Variants in KIF1B observed in about 807,000 individuals in gnomAD.
The protein encoded by KIF1B is kinesin family member 1B, also known as kinesin-like protein KIF1B.
In KIF1B, 76 loss-of-function variants were observed where a neutral mutation model predicts 241.9. The ratio of observed to expected loss-of-function variants is 0.31; its 90% CI spans 0.26 to 0.38. The LOEUF is 0.38. Ranked by LOEUF, KIF1B falls within the 10% of genes least tolerant of loss-of-function variation. The probability of loss-of-function intolerance (pLI) is 1.00; values close to 1 mark genes in which losing one functional copy is unlikely to be tolerated. For missense variants in KIF1B, 1,622 were observed against 2,271.4 expected (o/e 0.71, Z 5.81); for synonymous variants, 750 against 796.7 (o/e 0.94, Z 0.99).
chr1:10,288,995 A>C (rs1304582242), intron 15 of KIF1B, among the ~76,000 whole-genome samples: 1 of 152,144 alleles, frequency 6.6e-6, no homozygotes, highest in Non-Finnish European at 1.5e-5. Context: ...TTCGTTAGTA[A>C]CCTGTTATCA....
intron 2 of KIF1B, among the ~76,000 whole-genome samples, chr1:10,234,355 C>T (rs911928232): frequency 6.6e-6 from 1 of 151,740 alleles, no homozygotes; most frequent in Non-Finnish European, 1.5e-5. Flanking sequence ...TTACAGGCAC[C>T]CACCACTATG....
chr1:10,273,561 T>G (rs1460038156), intron 10 of KIF1B, among the ~76,000 whole-genome samples: 1 of 152,016 alleles, frequency 6.6e-6, no homozygotes, highest in Non-Finnish European at 1.5e-5. Flanking sequence ...CTGTGCAATC[T>G]AAAATTGAAC....
intron 22 of KIF1B, chr1:10,305,937 A>C (rs1650807632): frequency 1.0e-5 from 11 of 1,054,884 alleles, no homozygotes; most frequent in Non-Finnish European, 1.3e-5. Context: ...AGTCACATGA[A>C]ATCATCTATC....
intron 2 of KIF1B, among the ~76,000 whole-genome samples, chr1:10,238,467 C>G (rs940133491): frequency 3.7e-4 from 55 of 149,752 alleles, no homozygotes; most frequent in Non-Finnish European, 6.4e-4. Flanking sequence ...ACTTTGGGAG[C>G]CTGAGATGCG....
At chr1:10,315,919 G>A (rs1651283682) in intron 22 of KIF1B, among the ~76,000 whole-genome samples, 1 of 151,226 alleles carries the variant, frequency 6.6e-6, no homozygotes, top group Admixed American at 6.6e-5. Flanking sequence ...AACTGGGCAT[G>A]GTGGTACACA....
intron 31 of KIF1B, among the ~76,000 whole-genome samples, chr1:10,338,477 C>A (rs540820567): frequency 5.9e-5 from 9 of 152,342 alleles, no homozygotes; most frequent in African/African-American, 1.9e-4. Flanking sequence ...TGTTTTCACT[C>A]ATACCCTCAA....
rs2102074091 is a variant in KIF1B, at chr1:10,210,765, GGCTCGCGGCGGCCGCT to G, written c.-185_-170del. 6.7e-6 allele frequency: 1 copy of G among 149,922 alleles called. No homozygotes were observed. Among genetic ancestry groups the G allele is most frequent in the East Asian group, 1.9e-4 (1 of 5,144 alleles). The allele number at this position is 149,922 out of a possible 1,614,324, so 9.3% of individuals were successfully genotyped here. On this transcript the variant is annotated 5_prime_UTR_variant, in exon 1 of 49. The change abolishes the stop of an existing upstream ORF in the 5' untranslated region. Coordinates refer to ENST00000676179, the MANE Select transcript of KIF1B (RefSeq NM_001365951.3). This position sits in a 1 kb window ranked among gnomAD's most constrained non-coding sequence, Gnocchi z 4.1. ...ATGGGGCTGCGGAGCGGCGCCCTGC[GGCTCGCGGCGGCCGCT>G]GCTCGCGCTGAGGTGCGTCGGTGCC...
intron 10 of KIF1B, among the ~76,000 whole-genome samples, chr1:10,273,934 C>CTTTTT (rs35845856): frequency 1.2e-3 from 135 of 116,786 alleles, no homozygotes; most frequent in Middle Eastern, 5.1e-3. Context: ...TTAGTAGCTT[C>CTTTTT]TTTTTTTTTT....
At chr1:10,321,975 A>AGCAC in intron 24 of KIF1B, 118 bp downstream of exon 24, 2 of 1,053,302 alleles carry the variant, frequency 1.9e-6, no homozygotes, top group Non-Finnish European at 2.9e-6. Flanking sequence ...TTTGTGCTAT[A>AGCAC]AAACAGCTTT....
chr1:10,326,378 A>C lies in KIF1B; in HGVS notation c.2924+19A>C. 1 of 1,613,972 alleles carries C rather than the reference A, an allele frequency of 6.2e-7. No individual in the cohort carries two copies. The highest frequency in any genetic ancestry group is 8.5e-7 in the Non-Finnish European group (1 of 1,180,024). On this transcript the variant is annotated intron_variant, in intron 27 of 48. Coordinates refer to ENST00000676179, the MANE Select transcript of KIF1B (RefSeq NM_001365951.3). This position sits in a 1 kb window ranked among gnomAD's most constrained non-coding sequence, Gnocchi z 5.2. ...TGGGAAGGTTGGTGAGGTTATTGTGAGAAAGGCGAAAAGGGACCAGCTCTT... is the reference window on the plus strand; with the variant it reads ...TGGGAAGGTTGGTGAGGTTATTGTGCGAAAGGCGAAAAGGGACCAGCTCTT...
intron 22 of KIF1B, chr1:10,304,213 A>G (rs774311032): frequency 6.2e-7 from 1 of 1,614,204 alleles, no homozygotes; most frequent in East Asian, 2.2e-5. Flanking sequence ...AAAAGGGGGT[A>G]AAGGAGCTTT....
At chr1:10,244,862 T>G (rs2102157323) in intron 2 of KIF1B, among the ~76,000 whole-genome samples, 1 of 152,152 alleles carries the variant, frequency 6.6e-6, no homozygotes, top group Non-Finnish European at 1.5e-5. Flanking sequence ...TCCGCCCGCC[T>G]CGGCCTCCCA....
chr1:10,347,876 T>C, intron 36 of KIF1B, 49 bp downstream of exon 36: 1 of 1,424,840 alleles, frequency 7.0e-7, no homozygotes, highest in East Asian at 2.3e-5. Context: ...CTGAAAAGAA[T>C]TTAGAATAAG....
chr1:10,258,392 G>T, intron 3 of KIF1B, 101 bp from the exon 4 acceptor site: 1 of 1,249,414 alleles, frequency 8.0e-7, no homozygotes. Context: ...AATTTTAGGT[G>T]ACTGTTCTGA....
chr1:10,267,044 G>T (rs371138660), intron 5 of KIF1B, among the ~76,000 whole-genome samples: 3 of 151,308 alleles, frequency 2.0e-5, no homozygotes, highest in Non-Finnish European at 2.9e-5. Context: ...TTAAGACAGA[G>T]CCTCACTCTG....
At chr1:10,289,498 A>C (rs1231091642) in intron 15 of KIF1B, among the ~76,000 whole-genome samples, 1 of 151,658 alleles carries the variant, frequency 6.6e-6, no homozygotes, top group Non-Finnish European at 1.5e-5. Flanking sequence ...TCCCTCACCT[A>C]CCCTTCCCCA....
chr1:10,266,328 G>A (rs1648461939), intron 5 of KIF1B, among the ~76,000 whole-genome samples: 1 of 152,246 alleles, frequency 6.6e-6, no homozygotes, highest in African/African-American at 2.4e-5. Flanking sequence ...TGTTTGGTGT[G>A]CATGGAATTA....
At chr1:10,258,412 C>T (rs1365203598) in intron 3 of KIF1B, 81 bp from the exon 4 acceptor site, 5 of 1,444,236 alleles carry the variant, frequency 3.5e-6, no homozygotes, top group African/African-American at 1.4e-5. Flanking sequence ...ATTCCAGACA[C>T]TTTTATTATG....
rs1274323442 is a variant in KIF1B, at chr1:10,379,064, G to GAAT, written c.*2478_*2480dup. 1 of 231,022 alleles carries GAAT rather than the reference G, an allele frequency of 4.3e-6. No homozygotes were observed. Among genetic ancestry groups the GAAT allele is most frequent in the African/African-American group, 2.2e-5 (1 of 45,204 alleles). The allele number at this position is 231,022 out of a possible 1,614,324, so 14.3% of individuals were successfully genotyped here. On this transcript the variant is annotated 3_prime_UTR_variant, in exon 49 of 49. Transcript: ENST00000676179. ...TGCTTAGAGATGGCTGCCTGGACTG[G>GAAT]AATCAAATCTAATTTCAGGGAAATG...
Sources: allele counts gnomAD v4.1 joint callset (sites outside exome capture counted in the v4.1 genomes callset), GRCh38; gene constraint gnomAD v4.1.1; non-coding constraint Gnocchi (gnomAD v3.1); transcripts MANE v1.5; gene names NCBI Gene and HGNC (gene_info 2026-07-23, HGNC 2026-07-21).